Variants in IGFBP3 observed in about 807,000 individuals in gnomAD.
IGFBP3 encodes insulin-like growth factor-binding protein 3.
In IGFBP3, 9 loss-of-function variants were observed where a neutral mutation model predicts 28.6. The observed-to-expected ratio is 0.31, with a 90% CI of 0.19 to 0.55. The LOEUF is 0.55. Ranked by LOEUF, IGFBP3 falls within the 20% of genes least tolerant of loss-of-function variation. The pLI, the probability that IGFBP3 is intolerant of heterozygous loss-of-function variation, is 0.93. For missense variants in IGFBP3, 382 were observed against 428.9 expected, an observed-to-expected ratio of 0.89 and a Z score of 0.97; for synonymous variants, 185 against 188.2, an observed-to-expected ratio of 0.98 and a Z score of 0.14.
chr7:45,916,724 G>A lies in IGFBP3; in HGVS notation c.631-57C>T, dbSNP rs969398701. 6.4e-5 allele frequency: 100 copies of A among 1,572,946 alleles called. No homozygotes were observed. In the Middle Eastern group the frequency reaches 6.7e-4, roughly 11 times the overall value. On this transcript the variant is annotated intron_variant, in intron 2 of 4. Transcript: ENST00000613132. ...TCACAGTTTTTACTCTAGAATGTGT[G>A]CTTTAAAAATCTTACGATGCTGCAC...
intron 3 of IGFBP3, among the ~76,000 whole-genome samples, chr7:45,915,555 C>T (rs1016700263): frequency 6.6e-6 from 1 of 152,162 alleles, no homozygotes; most frequent in African/African-American, 2.4e-5. Flanking sequence ...AGTGCCATCA[C>T]ATAACACAAA....
At chr7:45,917,021 A>C in intron 2 of IGFBP3, 192 bp downstream of exon 2, 1 of 600,876 alleles carries the variant, frequency 1.7e-6, no homozygotes. Context: ...CTTGATCCTC[A>C]TAAGATTCTC....
chr7:45,919,445 G>T (rs1202902086), intron 1 of IGFBP3, among the ~76,000 whole-genome samples: 2 of 152,192 alleles, frequency 1.3e-5, no homozygotes, highest in Admixed American at 6.5e-5. Flanking sequence ...CAGAGCCAGT[G>T]TATGTTTCAG....
At chr7:45,916,761 G>A (rs934471844) in intron 2 of IGFBP3, 94 bp from the exon 3 acceptor site, 37 of 1,395,196 alleles carry the variant, frequency 2.7e-5, no homozygotes, top group Non-Finnish European at 3.4e-5. Flanking sequence ...ACTACCAAAA[G>A]TGGGACCTGT....
intron 4 of IGFBP3, 49 bp downstream of exon 4, chr7:45,914,756 A>C: frequency 1.3e-6 from 2 of 1,591,218 alleles, no homozygotes; most frequent in Non-Finnish European, 1.7e-6. Context: ...AGGCTGGTCC[A>C]AGGACAGTGA....
chr7:45,917,831 G>A (rs928593465), intron 1 of IGFBP3, among the ~76,000 whole-genome samples: 3 of 152,206 alleles, frequency 2.0e-5, no homozygotes, highest in Non-Finnish European at 4.4e-5. Flanking sequence ...AACTCCAAGT[G>A]TGGTCCTCCC....
chr7:45,918,588 G>C (rs1354601559), intron 1 of IGFBP3, among the ~76,000 whole-genome samples: 3 of 152,186 alleles, frequency 2.0e-5, no homozygotes, highest in Non-Finnish European at 4.4e-5. Flanking sequence ...GTCCACAATT[G>C]AGAGTCATGA....
chr7:45,917,719 G>A lies in IGFBP3; in HGVS notation c.404-280C>T, dbSNP rs34006338. Among the ~76,000 whole-genome samples the A allele has an allele frequency of 9.3e-3, 1,417 of 152,308 alleles. 11 individuals are homozygous for A. Among genetic ancestry groups the A allele is most frequent in the Non-Finnish European group, 0.015 (999 of 68,030 alleles). ...AAAGAAGGCAGACAAACGCTTCAGT[G>A]CCCCTCAGTAGGTGAAGGCAGTATG... On this transcript the variant is annotated intron_variant, in intron 1 of 4. Coordinates refer to ENST00000613132, the MANE Select transcript of IGFBP3 (RefSeq NM_000598.5).
chr7:45,914,726 G>A, intron 4 of IGFBP3, 79 bp downstream of exon 4: 3 of 1,440,192 alleles, frequency 2.1e-6, no homozygotes, highest in Non-Finnish European at 2.8e-6. Flanking sequence ...GGAAGGGCCA[G>A]TGGCCACGCC....
intron 1 of IGFBP3, 65 bp downstream of exon 1, chr7:45,920,673 C>A (rs1784672388): frequency 1.5e-6 from 2 of 1,304,410 alleles, no homozygotes; most frequent in South Asian, 2.0e-5. Context: ...ACCCAGCAAC[C>A]CCCAGGCCCT....
rs1278847990 is a variant in IGFBP3 at position 45,920,920 on chromosome 7, G to C, written c.221C>G (p.Ala74Gly). ...EPGCGCCLTC[A>G]LSEGQPCGIY... ...GCCGCACGGCTGGCCCTCGCTCAGT[G>C]CGCACGTCAGGCAGCAGCCGCAGCC... is the stretch of plus-strand genomic sequence containing the variant. The change falls in exon 1 of 5, where the codon GCA becomes GGA. Residue 74 changes from alanine (A) to glycine (G), a missense_variant. Coordinates refer to ENST00000613132, the MANE Select transcript of IGFBP3 (RefSeq NM_000598.5). The C allele has an allele frequency of 7.0e-7, 1 of 1,425,508 alleles. No individual in the cohort carries two copies. The highest frequency in any genetic ancestry group is 2.9e-5 in the Admixed American group (1 of 34,092). The allele number at this position is 1,425,508 out of a possible 1,614,324, so 88.3% of individuals were successfully genotyped here.
chr7:45,918,018 G>C (rs1423409627), intron 1 of IGFBP3, among the ~76,000 whole-genome samples: 1 of 152,234 alleles, frequency 6.6e-6, no homozygotes, highest in Non-Finnish European at 1.5e-5. Context: ...TTGGTGTCCA[G>C]CTCAGATGGG....
At chr7:45,920,698 C>T (rs1784672953) in intron 1 of IGFBP3, 40 bp downstream of exon 1, 1 of 1,338,400 alleles carries the variant, frequency 7.5e-7, no homozygotes, top group East Asian at 3.1e-5. Context: ...CGCCAGTGCG[C>T]CGGGTGCTGC....
intron 4 of IGFBP3, 90 bp downstream of exon 4, chr7:45,914,715 G>C: frequency 7.7e-7 from 1 of 1,291,776 alleles, no homozygotes; most frequent in Non-Finnish European, 1.1e-6. Context: ...TGTAAGCCTG[G>C]GGAAGGGCCA....
intron 4 of IGFBP3, 94 bp downstream of exon 4, chr7:45,914,711 C>A (rs1031987760): frequency 2.4e-6 from 3 of 1,258,928 alleles, no homozygotes; most frequent in African/African-American, 1.5e-5. Flanking sequence ...GGTCTGTAAG[C>A]CTGGGGAAGG....
chr7:45,914,208 T>C (rs925064040), intron 4 of IGFBP3: 8 of 152,194 alleles, frequency 5.3e-5, no homozygotes, highest in African/African-American at 1.9e-4. Context: ...AGACTGGATA[T>C]AATAGCATTC....
chr7:45,920,861 A>T lies in IGFBP3; in HGVS notation c.280T>A (p.Cys94Ser). The T allele has an allele frequency of 7.0e-7, 1 of 1,418,676 alleles. No homozygotes were observed. Among genetic ancestry groups the T allele is most frequent in the Non-Finnish European group, 9.1e-7 (1 of 1,093,752 alleles). The allele number at this position is 1,418,676 out of a possible 1,614,324, so 87.9% of individuals were successfully genotyped here. A position where few individuals can be genotyped will look rare whatever the true frequency, so the allele number is the denominator to read the frequency against. Residue 94 changes from cysteine (C) to serine (S), a missense_variant, in exon 1 of 5, where the codon TGC becomes AGC. Cys to Ser is a moderately radical substitution (Grantham distance 112, BLOSUM62 -1). Coordinates refer to ENST00000613132, the MANE Select transcript of IGFBP3 (RefSeq NM_000598.5). The part of the protein sequence containing the change: ...YTERCGSGLR[C>S]QPSPDEARPL... ...CGCGCCTCGTCGGGCGACGGCTGGC[A>T]GCGAAGGCCGGAGCCACAGCGCTCG...
intron 1 of IGFBP3, among the ~76,000 whole-genome samples, chr7:45,918,092 G>T (rs1562581532): frequency 6.6e-6 from 1 of 152,194 alleles, no homozygotes; most frequent in African/African-American, 2.4e-5. Context: ...AAGCATGTTG[G>T]TGGCTTGTTT....
rs532555556 is a variant in IGFBP3, at chr7:45,917,384, G to T, written c.459C>A (p.Ser153=). 6.2e-7 allele frequency: 1 copy of T among 1,613,968 alleles called. No homozygotes were observed. Among genetic ancestry groups the T allele is most frequent in the East Asian group, 2.2e-5 (1 of 44,864 alleles). Residue 153 remains serine (S), a synonymous_variant, in exon 2 of 5, where the codon TCC becomes TCA. Coordinates refer to ENST00000613132, the MANE Select transcript of IGFBP3 (RefSeq NM_000598.5). The part of the protein sequence containing the change: ...DRSAGSVESP[S]VSSTHRVSDP... ...CAGACACCCGGTGCGTGCTGGAGACGGACGGGCTCTCCACACTGCCGGCGC... is the reference window on the plus strand; with the variant it reads ...CAGACACCCGGTGCGTGCTGGAGACTGACGGGCTCTCCACACTGCCGGCGC...
Sources: allele counts gnomAD v4.1 joint callset (sites outside exome capture counted in the v4.1 genomes callset), GRCh38; gene constraint gnomAD v4.1.1; transcripts MANE v1.5; gene names NCBI Gene and HGNC (gene_info 2026-07-23, HGNC 2026-07-21).